The following CFAP47 variants were observed in gnomAD, a reference collection of about 807,000 sequenced individuals.
CFAP47 encodes cilia and flagella associated protein 47.
A neutral mutation model predicts 148.1 loss-of-function variants in CFAP47; 29 were observed. That is an observed-to-expected ratio of 0.20 (90% CI 0.15 to 0.27). CFAP47 has a LOEUF of 0.27. Ranked by LOEUF, CFAP47 falls within the 10% of genes least tolerant of loss-of-function variation. CFAP47 has a pLI of 1.00. For missense variants in CFAP47, 1,872 were observed against 1,697.5 expected (o/e 1.10, Z -1.81); for synonymous variants, 664 against 577.3 (o/e 1.15, Z -2.15).
At chrX:36,294,119 G>A (rs1453880260) in intron 51 of CFAP47, among the ~76,000 whole-genome samples, 1 of 111,441 alleles carries the variant, frequency 9.0e-6, no homozygotes, top group Non-Finnish European at 1.9e-5. Flanking sequence ...AAGGCAAAAG[G>A]AACTTATATA....
At chrX:36,285,811 T>C in intron 51 of CFAP47, 85 bp downstream of exon 51, 4 of 689,856 alleles carry the variant, frequency 5.8e-6, no homozygotes, top group Non-Finnish European at 8.6e-6. Flanking sequence ...TTACTATCCC[T>C]TAAAAGGTCT....
Position 36,145,339 on chromosome X carries a change from A to T in CFAP47, c.5656A>T (p.Thr1886Ser). 1 of 297,356 alleles carries T rather than the reference A, an allele frequency of 3.4e-6. No homozygotes were observed. The highest frequency in any genetic ancestry group is 6.1e-5 in the Admixed American group (1 of 16,463). 24.5% of individuals were successfully genotyped at this position (297,356 alleles called of 1,213,427 possible). A position where few individuals can be genotyped will look rare whatever the true frequency, so the allele number is the denominator to read the frequency against. ...VVSFECTLHDTVLNKILLKNS... is the reference protein window; with the variant it reads ...VVSFECTLHDSVLNKILLKNS... ...GTCCTTTGAATGTACTCTACATGAC[A>T]CGGTGCTGAATAAGGTAAGGATAAT... The change falls in exon 36 of 64, where the codon ACG becomes TCG. Residue 1886 changes from threonine (T) to serine (S), a missense_variant. Transcript: ENST00000378653.
intron 46 of CFAP47, among the ~76,000 whole-genome samples, chrX:36,230,967 A>T (rs1175727292): frequency 6.8e-5 from 7 of 103,096 alleles, no homozygotes; most frequent in Admixed American, 3.1e-4. Context: ...TCCATTGATC[A>T]ATATCTCTGT....
At chrX:35,920,818 C>T (rs1310427730) in intron 1 of CFAP47, among the ~76,000 whole-genome samples, 1 of 110,887 alleles carries the variant, frequency 9.0e-6, no homozygotes, top group Non-Finnish European at 1.9e-5. Flanking sequence ...AAGAGATATT[C>T]CTAATAAAAA....
intron 16 of CFAP47, 54 bp downstream of exon 16, chrX:35,989,503 G>A (rs747152579): frequency 1.7e-6 from 2 of 1,209,936 alleles, no homozygotes; most frequent in South Asian, 3.5e-5. Flanking sequence ...AATTTGTTGG[G>A]TATACACTGG....
At chrX:36,010,288 T>C (rs749812202) in intron 21 of CFAP47, among the ~76,000 whole-genome samples, 1 of 111,231 alleles carries the variant, frequency 9.0e-6, no homozygotes, top group South Asian at 3.8e-4. Flanking sequence ...AATTATGTAA[T>C]TTATAATTTT....
At chrX:36,247,192 C>A (rs1300697487) in intron 48 of CFAP47, among the ~76,000 whole-genome samples, 1 of 111,405 alleles carries the variant, frequency 9.0e-6, no homozygotes, top group East Asian at 2.8e-4. Flanking sequence ...CCAAATACTG[C>A]AATTTGTCAC....
chrX:36,118,020 T>C (rs1395763070), intron 33 of CFAP47, among the ~76,000 whole-genome samples: 1 of 112,022 alleles, frequency 8.9e-6, no homozygotes, highest in African/African-American at 3.2e-5. Flanking sequence ...GTGTATCTTC[T>C]TAACACCTTT....
chrX:36,047,330 T>C (rs1937478410), intron 26 of CFAP47, among the ~76,000 whole-genome samples: 1 of 111,511 alleles, frequency 9.0e-6, no homozygotes, highest in South Asian at 3.7e-4. Flanking sequence ...TCCTCATCTA[T>C]GAAATGGAGC....
At chrX:35,960,682 G>A (rs191322557) in intron 8 of CFAP47, among the ~76,000 whole-genome samples, 4 of 111,378 alleles carry the variant, frequency 3.6e-5, no homozygotes, top group Admixed American at 2.9e-4. Context: ...CATTGCTAGT[G>A]CATATAAGTG....
intron 48 of CFAP47, among the ~76,000 whole-genome samples, chrX:36,244,328 A>G (rs181645564): frequency 9.0e-6 from 1 of 111,595 alleles, no homozygotes; most frequent in African/African-American, 3.2e-5. Context: ...CAGTGAAACT[A>G]GAAAAAAATA....
intron 57 of CFAP47, among the ~76,000 whole-genome samples, chrX:36,328,655 A>G (rs1159337363): frequency 9.5e-6 from 1 of 105,443 alleles, no homozygotes; most frequent in African/African-American, 3.5e-5. Context: ...CTAAAAATAC[A>G]AAAAATTAGC....
chrX:36,353,789 T>G, intron 60 of CFAP47, 108 bp downstream of exon 60: 1 of 577,636 alleles, frequency 1.7e-6, no homozygotes, highest in Non-Finnish European at 2.6e-6. Flanking sequence ...GTCCATTTAC[T>G]TTTCATTTCA....
chrX:35,969,929 A>G (rs747589751), intron 10 of CFAP47, among the ~76,000 whole-genome samples: 6 of 110,647 alleles, frequency 5.4e-5, no homozygotes, highest in African/African-American at 9.8e-5. Context: ...TTTTTTCATT[A>G]TACTTTAAGT....
intron 29 of CFAP47, among the ~76,000 whole-genome samples, chrX:36,077,856 A>G (rs911620148): frequency 3.7e-5 from 4 of 109,587 alleles, no homozygotes; most frequent in Admixed American, 2.0e-4. Context: ...GTGAAACCCC[A>G]TCTCTACAAA....
At chrX:35,996,795 A>T (rs2059028683) in intron 18 of CFAP47, among the ~76,000 whole-genome samples, 1 of 111,694 alleles carries the variant, frequency 9.0e-6, no homozygotes, top group African/African-American at 3.3e-5. Flanking sequence ...TCCTCAGTTT[A>T]AAATTAGGAG....
chrX:35,975,341 C>T lies in CFAP47; in HGVS notation c.2449C>T (p.Pro817Ser), dbSNP rs747330105. The T allele has an allele frequency of 4.6e-5, 54 of 1,183,561 alleles. No homozygotes were observed. In the South Asian group the frequency reaches 9.9e-4, roughly 22 times the overall value. Residue 817 changes from proline (P) to serine (S), a missense_variant, in exon 14 of 64, where the codon CCC becomes TCC. Coordinates refer to ENST00000378653, the MANE Select transcript of CFAP47 (RefSeq NM_001304548.2). ...TTATATTTCAATGGTATTTGACTCTCCCACCATTGGAAAATTTTGGAAGTA... is the reference window on the plus strand; with the variant it reads ...TTATATTTCAATGGTATTTGACTCTTCCACCATTGGAAAATTTTGGAAGTA... Reference protein sequence around the residue: ...STYISMVFDSPTIGKFWKSFT... With the variant: ...STYISMVFDSSTIGKFWKSFT...
chrX:36,173,214 C>T (rs1444258949), intron 39 of CFAP47, among the ~76,000 whole-genome samples: 2 of 111,246 alleles, frequency 1.8e-5, no homozygotes, highest in Non-Finnish European at 3.8e-5. Context: ...GTCTTGCTAG[C>T]AGTCTATCAA....
intron 39 of CFAP47, among the ~76,000 whole-genome samples, chrX:36,174,190 G>A (rs1284186186): frequency 9.2e-6 from 1 of 108,573 alleles, no homozygotes; most frequent in Non-Finnish European, 1.9e-5. Context: ...GAGCCTATGT[G>A]TGTCTCTGCA....
Sources: allele counts gnomAD v4.1 joint callset (sites outside exome capture counted in the v4.1 genomes callset), GRCh38; gene constraint gnomAD v4.1.1; transcripts MANE v1.5; gene names NCBI Gene and HGNC (gene_info 2026-07-23, HGNC 2026-07-21).